KLHL4: variants seen among roughly 807,000 people sequenced by gnomAD.
KLHL4 encodes kelch-like protein 4.
In KLHL4, 17 loss-of-function variants were observed where a neutral mutation model predicts 45.8. The ratio of observed to expected loss-of-function variants is 0.37; its 90% CI spans 0.25 to 0.56. The LOEUF (loss-of-function observed/expected upper bound fraction) is 0.56, where lower values mean the gene tolerates loss of function less well. Ranked by LOEUF, KLHL4 falls within the 20% of genes least tolerant of loss-of-function variation. The probability of loss-of-function intolerance (pLI) is 0.79; values close to 1 mark genes in which losing one functional copy is unlikely to be tolerated. For missense variants in KLHL4, 544 were observed against 544.9 expected (o/e 1.00, Z 0.02); for synonymous variants, 224 against 189.9 (o/e 1.18, Z -1.47).
intron 1 of KLHL4, among the ~76,000 whole-genome samples, chrX:87,582,527 A>G (rs1290578410): frequency 8.9e-6 from 1 of 112,172 alleles, no homozygotes; most frequent in Non-Finnish European, 1.9e-5. Flanking sequence ...TCCCAATCTA[A>G]GCAGTCCAAA....
chrX:87,547,837 C>G (rs1486155488), intron 1 of KLHL4, among the ~76,000 whole-genome samples: 6 of 110,953 alleles, frequency 5.4e-5, no homozygotes, highest in Non-Finnish European at 1.1e-4. Flanking sequence ...AACAAACAAA[C>G]AAACAAAAAT....
At chrX:87,573,760 T>C (rs1448472628) in intron 1 of KLHL4, among the ~76,000 whole-genome samples, 3 of 111,813 alleles carry the variant, frequency 2.7e-5, no homozygotes, top group Admixed American at 9.5e-5. Context: ...ACCTGATGAT[T>C]TGAATACATA....
At chrX:87,524,120 C>A (rs1295127552) in intron 1 of KLHL4, among the ~76,000 whole-genome samples, 6 of 110,935 alleles carry the variant, frequency 5.4e-5, no homozygotes, top group African/African-American at 2.0e-4. Flanking sequence ...TGACTTCTTT[C>A]CAAAGGGTCG....
chrX:87,581,827 G>T (rs1334332657), intron 1 of KLHL4, among the ~76,000 whole-genome samples: 2 of 112,044 alleles, frequency 1.8e-5, no homozygotes, highest in Non-Finnish European at 3.8e-5. Flanking sequence ...CAACACCTCT[G>T]CAGGAAGGGT....
chrX:87,646,131 C>CTT (rs1569361233), intron 9 of KLHL4, among the ~76,000 whole-genome samples: 235 of 111,392 alleles, frequency 2.1e-3, no homozygotes, highest in African/African-American at 7.0e-3. Context: ...GAACTCAACC[C>CTT]CTTTTACAAT....
At chrX:87,529,209 C>T (rs753757812) in intron 1 of KLHL4, among the ~76,000 whole-genome samples, 36 of 111,258 alleles carry the variant, frequency 3.2e-4, no homozygotes, top group Non-Finnish European at 7.5e-5. Context: ...CTTGAGACTA[C>T]TGCAACTAGA....
At chrX:87,518,829 A>T (rs2147758032) in intron 1 of KLHL4, among the ~76,000 whole-genome samples, 1 of 112,088 alleles carries the variant, frequency 8.9e-6, no homozygotes, top group Admixed American at 9.5e-5. Context: ...TGGCGTTCGG[A>T]GACTCATTTC....
At chrX:87,631,868 A>G (rs1357785886) in intron 6 of KLHL4, among the ~76,000 whole-genome samples, 1 of 112,789 alleles carries the variant, frequency 8.9e-6, no homozygotes, top group Non-Finnish European at 1.9e-5. Flanking sequence ...CAAACATTCA[A>G]TAATAGAATC....
intron 6 of KLHL4, among the ~76,000 whole-genome samples, chrX:87,628,715 T>A (rs867905967): frequency 1.8e-4 from 20 of 111,741 alleles, no homozygotes; most frequent in African/African-American, 6.5e-4. Flanking sequence ...ATTGAAATTT[T>A]AAAAATTTGA....
chrX:87,554,183 A>G (rs1931907428), intron 1 of KLHL4, among the ~76,000 whole-genome samples: 1 of 70,996 alleles, frequency 1.4e-5, no homozygotes, highest in African/African-American at 5.6e-5. Context: ...TTGGCTTAGG[A>G]TTGACTTGGT....
chrX:87,662,572 A>T (rs1252454074), intron 9 of KLHL4, among the ~76,000 whole-genome samples: 4 of 111,605 alleles, frequency 3.6e-5, no homozygotes, highest in Non-Finnish European at 7.5e-5. Context: ...TCACAAGGAA[A>T]CTCAGCTTTT....
chrX:87,527,273 C>T lies in KLHL4; in HGVS notation c.422+8958C>T, dbSNP rs148344489. 2.3e-3 allele frequency among the ~76,000 whole-genome samples: 255 copies of T among 111,729 alleles called. 1 individual carries two copies. The highest frequency in any genetic ancestry group is 3.8e-3 in the Non-Finnish European group (203 of 53,184). ...AAAATATAGTTCTGCAACCCTGTAT[C>T]GTAAGCTGTTGCATCATAGCACCAT... On this transcript the variant is annotated intron_variant, in intron 1 of 10. Coordinates refer to ENST00000373119, the MANE Select transcript of KLHL4 (RefSeq NM_019117.5).
intron 1 of KLHL4, among the ~76,000 whole-genome samples, chrX:87,605,505 G>T (rs374745077): frequency 9.1e-6 from 1 of 109,938 alleles, no homozygotes; most frequent in South Asian, 3.9e-4. Context: ...TATTTAAATT[G>T]AATTGTTTTC....
intron 9 of KLHL4, among the ~76,000 whole-genome samples, chrX:87,650,885 A>G (rs771532769): frequency 1.8e-4 from 20 of 111,709 alleles, no homozygotes; most frequent in Non-Finnish European, 3.2e-4. Flanking sequence ...CAAGAGAGAA[A>G]CAGAGAGCCA....
rs776991685 is a variant in KLHL4, at chrX:87,581,461, G to A, written c.423-32416G>A. Among the ~76,000 whole-genome samples the A allele has an allele frequency of 7.3e-4, 82 of 112,461 alleles. No homozygotes were observed. In the South Asian group the frequency reaches 0.012, roughly 16 times the overall value. ...GTCTCCACCCACCTCCTACAGGTGC[G>A]TTCAGTCTGGTAACAGGTCAGTACC... On this transcript the variant is annotated intron_variant, in intron 1 of 10. Coordinates refer to ENST00000373119, the MANE Select transcript of KLHL4 (RefSeq NM_019117.5).
At chrX:87,604,011 C>T (rs909433865) in intron 1 of KLHL4, among the ~76,000 whole-genome samples, 12 of 110,754 alleles carry the variant, frequency 1.1e-4, no homozygotes, top group African/African-American at 3.6e-4. Context: ...CAGTGTCTAA[C>T]ATTTTATTTA....
intron 9 of KLHL4, among the ~76,000 whole-genome samples, chrX:87,654,686 G>T (rs762060116): frequency 2.9e-4 from 32 of 111,868 alleles, no homozygotes; most frequent in Non-Finnish European, 4.9e-4. Context: ...GCATCAAATG[G>T]TAGATATATT....
At position 87,633,831 on chromosome X, in the gene KLHL4, C is replaced by T. The variant is rs1315847989; in HGVS notation, c.1632C>T (p.Asp544=). 8.3e-7 allele frequency: 1 copy of T among 1,206,975 alleles called. No individual in the cohort carries two copies. Among genetic ancestry groups the T allele is most frequent in the Admixed American group, 2.2e-5 (1 of 45,815 alleles). The change falls in exon 8 of 11, where the codon GAC becomes GAT. Residue 544 remains aspartate (D), a synonymous_variant. Coordinates refer to ENST00000373119, the MANE Select transcript of KLHL4 (RefSeq NM_019117.5). ...WSYLNTVERW[D]PEGRQWNYVA... Reference sequence around the variant, plus strand: ...ATCTAAATACTGTAGAAAGATGGGACCCTGAGGGACGACAGTGGAATTACG... The same window carrying T: ...ATCTAAATACTGTAGAAAGATGGGATCCTGAGGGACGACAGTGGAATTACG...
intron 9 of KLHL4, among the ~76,000 whole-genome samples, chrX:87,651,534 G>A (rs969279136): frequency 8.9e-6 from 1 of 112,337 alleles, no homozygotes; most frequent in Non-Finnish European, 1.9e-5. Context: ...CATTACAAAT[G>A]GGAAAAAATG....
Sources: gnomAD v4.1 joint callset for allele counts (sites outside exome capture counted in the v4.1 genomes callset) on GRCh38, gnomAD v4.1.1 for gene constraint, MANE v1.5 for transcripts, NCBI Gene and HGNC (gene_info 2026-07-23, HGNC 2026-07-21) for gene names.